DPP6: variants seen among roughly 807,000 people sequenced by gnomAD.
DPP6 encodes A-type potassium channel modulatory protein DPP6.
A neutral mutation model predicts 122.6 loss-of-function variants in DPP6; 69 were observed. The ratio of observed to expected loss-of-function variants is 0.56; its 90% CI spans 0.46 to 0.69. The LOEUF (loss-of-function observed/expected upper bound fraction) is 0.69. Ranked by LOEUF, DPP6 falls within the 30% of genes least tolerant of loss-of-function variation. The probability of loss-of-function intolerance (pLI) is 0.00; values close to 1 mark genes in which losing one functional copy is unlikely to be tolerated. For synonymous variants in DPP6, 418 were observed against 433.1 expected (o/e 0.97, Z 0.43); for missense variants, 928 against 1,116.9 (o/e 0.83, Z 2.41).
In DPP6 at chr7:154,601,359, G is replaced by A. The variant is rs1278756441; in HGVS notation, c.627+34443G>A. On this transcript the variant is annotated intron_variant, in intron 5 of 25. Coordinates refer to ENST00000377770, the MANE Select transcript of DPP6 (RefSeq NM_130797.4). ...CTAGTTCTCTTTTCAAATCTGTCAC[G>A]TTTTGCTTAGTAAATATTGAAGCTC... is the stretch of plus-strand genomic sequence containing the variant. Among the ~76,000 whole-genome samples the A allele has an allele frequency of 7.4e-5, 9 of 121,056 alleles. 3 individuals carry two copies. Among genetic ancestry groups the A allele is most frequent in the Non-Finnish European group, 1.7e-4 (9 of 53,738 alleles). 79.4% of individuals were successfully genotyped at this position (121,056 alleles called of 152,430 possible).
intron 3 of DPP6, among the ~76,000 whole-genome samples, chr7:154,477,052 C>G (rs1459603577): frequency 2.6e-5 from 4 of 151,960 alleles, no homozygotes; most frequent in Non-Finnish European, 5.9e-5. Flanking sequence ...GCACTCCAAC[C>G]TGGGTGACAG....
chr7:154,692,993 T>C (rs1289252961), intron 7 of DPP6, among the ~76,000 whole-genome samples: 1 of 152,144 alleles, frequency 6.6e-6, no homozygotes, highest in African/African-American at 2.4e-5. Flanking sequence ...GGTTTTGCTA[T>C]GTTGCCCAGG....
chr7:154,071,809 G>A (rs1460081591), intron 1 of DPP6, among the ~76,000 whole-genome samples: 2 of 152,198 alleles, frequency 1.3e-5, no homozygotes, highest in African/African-American at 4.8e-5. Flanking sequence ...GGACACCGTT[G>A]TCTTACTGCT....
intron 1 of DPP6, among the ~76,000 whole-genome samples, chr7:154,232,673 T>C (rs1357405366): frequency 6.6e-6 from 1 of 152,212 alleles, no homozygotes; most frequent in African/African-American, 2.4e-5. Flanking sequence ...TGTTCTATTT[T>C]GACAAAGCCT....
At chr7:154,794,273 C>T in intron 11 of DPP6, 71 bp downstream of exon 11, 1 of 1,484,430 alleles carries the variant, frequency 6.7e-7, no homozygotes, top group Admixed American at 2.1e-5. Context: ...GAGGTGGCGC[C>T]AGAGTCGTCT....
intron 1 of DPP6, among the ~76,000 whole-genome samples, chr7:153,995,403 G>A (rs1452621360): frequency 1.3e-5 from 2 of 152,014 alleles, no homozygotes; most frequent in South Asian, 2.1e-4. Flanking sequence ...TGGCTAACAC[G>A]GTGAAACCCC....
intron 1 of DPP6, among the ~76,000 whole-genome samples, chr7:153,996,642 C>G (rs937457143): frequency 2.0e-5 from 3 of 151,820 alleles, no homozygotes; most frequent in Non-Finnish European, 2.9e-5. Context: ...ATTTTCCCTT[C>G]AAACTCATTT....
intron 2 of DPP6, among the ~76,000 whole-genome samples, chr7:154,471,019 G>A (rs1822220373): frequency 1.3e-5 from 2 of 152,280 alleles, no homozygotes; most frequent in African/African-American, 4.8e-5. Context: ...GGGAGGCTGA[G>A]GTGGGCGGAT....
chr7:154,383,191 C>A (rs1221504998), intron 1 of DPP6, among the ~76,000 whole-genome samples: 1 of 152,118 alleles, frequency 6.6e-6, no homozygotes, highest in African/African-American at 2.4e-5. Flanking sequence ...CCAGGGTGCA[C>A]AATCAGAAAA....
At chr7:154,831,827 A>G (rs1325567484) in intron 16 of DPP6, among the ~76,000 whole-genome samples, 3 of 152,200 alleles carry the variant, frequency 2.0e-5, no homozygotes, top group Non-Finnish European at 2.9e-5. Flanking sequence ...ACTTATTGTC[A>G]GAAAGTTCCT....
chr7:153,831,204 C>T, the DPP6 span, among the ~76,000 whole-genome samples: 2 of 152,228 alleles, frequency 1.3e-5, no homozygotes, highest in African/African-American at 4.8e-5. Context: ...GGGCCCAGCA[C>T]TGTGTAAGTG....
At chr7:154,243,903 G>C (rs1023917547) in intron 1 of DPP6, among the ~76,000 whole-genome samples, 1 of 151,768 alleles carries the variant, frequency 6.6e-6, no homozygotes, top group African/African-American at 2.4e-5. Context: ...CAAACAAACC[G>C]TATCTCAGTG....
chr7:154,064,362 A>T (rs1802533798), intron 1 of DPP6, among the ~76,000 whole-genome samples: 1 of 152,134 alleles, frequency 6.6e-6, no homozygotes, highest in Admixed American at 6.6e-5. Context: ...AAGTGCCTGG[A>T]ATCCACCCCA....
At chr7:153,915,476 A>G (rs754230201) in intron 1 of DPP6, among the ~76,000 whole-genome samples, 3 of 152,216 alleles carry the variant, frequency 2.0e-5, no homozygotes, top group Non-Finnish European at 2.9e-5. Flanking sequence ...TTGAATGACC[A>G]TAGTTTTAGC....
chr7:153,901,722 T>G (rs1203718703), intron 1 of DPP6, among the ~76,000 whole-genome samples: 1 of 152,254 alleles, frequency 6.6e-6, no homozygotes, highest in African/African-American at 2.4e-5. Flanking sequence ...ACCTAGGGAA[T>G]TCTGCAAAGC....
At chr7:154,305,972 G>A (rs1402820327) in intron 1 of DPP6, among the ~76,000 whole-genome samples, 1 of 152,140 alleles carries the variant, frequency 6.6e-6, no homozygotes, top group East Asian at 1.9e-4. Context: ...AAACATCAGC[G>A]TATTCTGACC....
At chr7:154,258,291 T>C (rs1170613902) in intron 1 of DPP6, among the ~76,000 whole-genome samples, 2 of 152,174 alleles carry the variant, frequency 1.3e-5, no homozygotes, top group African/African-American at 4.8e-5. Context: ...AGATGTTAAA[T>C]TGCTTTCATA....
At chr7:154,477,095 T>C (rs1822810652) in intron 3 of DPP6, among the ~76,000 whole-genome samples, 1 of 152,094 alleles carries the variant, frequency 6.6e-6, no homozygotes, top group Admixed American at 6.5e-5. Context: ...AAGAGTGAAC[T>C]CTTTGGTATT....
chr7:154,289,542 T>G (rs1805069712), intron 1 of DPP6, among the ~76,000 whole-genome samples: 1 of 152,156 alleles, frequency 6.6e-6, no homozygotes, highest in African/African-American at 2.4e-5. Context: ...AAGCCCTAAA[T>G]AAGGTGTCAG....
Sources: gnomAD v4.1 joint callset for allele counts (sites outside exome capture counted in the v4.1 genomes callset) on GRCh38, gnomAD v4.1.1 for gene constraint, MANE v1.5 for transcripts, NCBI Gene and HGNC (gene_info 2026-07-23, HGNC 2026-07-21) for gene names.